Variants in GABBR2 observed in about 807,000 individuals in gnomAD.
The protein encoded by GABBR2 is gamma-aminobutyric acid type B receptor subunit 2, also known as G-protein coupled receptor 51.
Under a neutral mutation model 105.6 loss-of-function variants are expected in GABBR2, and 23 were observed. The ratio of observed to expected loss-of-function variants is 0.22; its 90% CI spans 0.16 to 0.31. The LOEUF (loss-of-function observed/expected upper bound fraction) is 0.31. GABBR2 is among the 10% of genes least tolerant of loss of function. The probability of loss-of-function intolerance (pLI) is 1.00; values close to 1 mark genes in which losing one functional copy is unlikely to be tolerated. For missense variants in GABBR2, 734 were observed against 1,245.5 expected (o/e 0.59, Z 6.18); for synonymous variants, 478 against 499.7 (o/e 0.96, Z 0.58).
chr9:98,389,116 A>C, intron 9 of GABBR2, 112 bp from the exon 10 acceptor site: 1 of 852,244 alleles, frequency 1.2e-6, no homozygotes, highest in Non-Finnish European at 1.8e-6. Flanking sequence ...AACTCTACAC[A>C]AGGCACATCT....
At chr9:98,526,571 T>C (rs1297765985) in intron 3 of GABBR2, among the ~76,000 whole-genome samples, 2 of 152,216 alleles carry the variant, frequency 1.3e-5, no homozygotes, top group African/African-American at 2.4e-5. Context: ...ATCTGACATA[T>C]TTTAAATTTA....
intron 1 of GABBR2, among the ~76,000 whole-genome samples, chr9:98,593,146 A>T (rs1829171116): frequency 6.6e-6 from 1 of 151,988 alleles, no homozygotes; most frequent in Admixed American, 6.6e-5. Context: ...ATGCCTGGCC[A>T]TTCTAATTAT....
chr9:98,431,128 C>G (rs1825802341), intron 7 of GABBR2, among the ~76,000 whole-genome samples: 1 of 151,868 alleles, frequency 6.6e-6, no homozygotes, highest in South Asian at 2.1e-4. Flanking sequence ...ATTCCCTCAC[C>G]TCCTTCAATG....
intron 6 of GABBR2, among the ~76,000 whole-genome samples, chr9:98,466,275 C>A (rs1430205857): frequency 6.6e-6 from 1 of 152,132 alleles, no homozygotes; most frequent in Non-Finnish European, 1.5e-5. Flanking sequence ...CTGTGGAGTT[C>A]AAAAGTTCAA....
intron 1 of GABBR2, among the ~76,000 whole-genome samples, chr9:98,697,327 T>G (rs1210374633): frequency 2.0e-5 from 3 of 151,968 alleles, no homozygotes; most frequent in African/African-American, 4.8e-5. Context: ...TCGTCTCTAC[T>G]AAAACTACAA....
intron 1 of GABBR2, among the ~76,000 whole-genome samples, chr9:98,645,988 C>A (rs1162795404): frequency 3.3e-5 from 5 of 152,162 alleles, no homozygotes; most frequent in African/African-American, 1.2e-4. Context: ...AAACAGCAGG[C>A]CAGGATGTAA....
chr9:98,442,193 C>G (rs1157049985), intron 7 of GABBR2, among the ~76,000 whole-genome samples: 2 of 152,264 alleles, frequency 1.3e-5, no homozygotes, highest in Non-Finnish European at 2.9e-5. Context: ...TAAAGAGTCT[C>G]TTCCAGTGCT....
At chr9:98,624,804 G>C (rs563532163) in intron 1 of GABBR2, among the ~76,000 whole-genome samples, 4 of 152,340 alleles carry the variant, frequency 2.6e-5, no homozygotes, top group African/African-American at 9.6e-5. Context: ...GGCCAGGTAG[G>C]AGCCCCGAGC....
At chr9:98,367,188 TGAG>T (rs752338862) in intron 12 of GABBR2, among the ~76,000 whole-genome samples, 1 of 148,516 alleles carries the variant, frequency 6.7e-6, no homozygotes, top group South Asian at 2.1e-4. Flanking sequence ...CCATCATGGA[TGAG>T]GGAGGAGGGG....
intron 1 of GABBR2, among the ~76,000 whole-genome samples, chr9:98,663,373 T>C (rs780693570): frequency 1.3e-5 from 2 of 152,090 alleles, no homozygotes; most frequent in Admixed American, 6.5e-5. Flanking sequence ...GTTACAGAAC[T>C]GGTCTACCTG....
intron 7 of GABBR2, among the ~76,000 whole-genome samples, chr9:98,438,149 C>A (rs1825961747): frequency 6.7e-6 from 1 of 148,758 alleles, no homozygotes; most frequent in African/African-American, 2.5e-5. Flanking sequence ...CACACGTTAT[C>A]CCTCCATCTA....
chr9:98,641,178 G>T (rs1317662933), intron 1 of GABBR2, among the ~76,000 whole-genome samples: 1 of 151,408 alleles, frequency 6.6e-6, no homozygotes, highest in East Asian at 1.9e-4. Context: ...CTGTTGCCCA[G>T]GCTGGAGTGC....
In GABBR2 at chr9:98,330,146, G is replaced by C. The variant is rs536278634; in HGVS notation, c.1894-18941C>G. ...CCCTGCATCTACTTTCTATCGGCAA[G>C]CTGCCAGACCCAACCAATTCTTGAA... On this transcript the variant is annotated intron_variant, in intron 13 of 18. Transcript: ENST00000259455. 1.5e-4 allele frequency among the ~76,000 whole-genome samples: 23 copies of C among 152,300 alleles called. No homozygotes were observed. In the South Asian group the frequency reaches 4.6e-3, roughly 30 times the overall value.
intron 14 of GABBR2, among the ~76,000 whole-genome samples, chr9:98,308,376 A>G (rs1396157899): frequency 6.6e-6 from 1 of 152,240 alleles, no homozygotes; most frequent in Non-Finnish European, 1.5e-5. Flanking sequence ...ACACTGAGGA[A>G]GATTTCCGCT....
At chr9:98,426,194 G>A (rs959786062) in intron 7 of GABBR2, among the ~76,000 whole-genome samples, 14 of 152,168 alleles carry the variant, frequency 9.2e-5, no homozygotes, top group South Asian at 4.1e-4. Context: ...TCCCCTTTAC[G>A]GGTCATGCTT....
At chr9:98,658,018 TAC>T (rs1830205694) in intron 1 of GABBR2, among the ~76,000 whole-genome samples, 1 of 152,272 alleles carries the variant, frequency 6.6e-6, no homozygotes. Flanking sequence ...AATGGACTAA[TAC>T]AGTTACCAAG....
chr9:98,515,022 A>T (rs891036947), intron 3 of GABBR2, among the ~76,000 whole-genome samples: 20 of 152,302 alleles, frequency 1.3e-4, no homozygotes, highest in African/African-American at 4.8e-4. Flanking sequence ...ACCAGGAAGT[A>T]GATTTCAGCT....
chr9:98,425,247 T>C (rs777595028), intron 7 of GABBR2, among the ~76,000 whole-genome samples: 4 of 152,038 alleles, frequency 2.6e-5, no homozygotes, highest in Non-Finnish European at 5.9e-5. Context: ...AATGAATGAA[T>C]GTAACAGAGC....
intron 1 of GABBR2, chr9:98,607,182 G>A: frequency 6.2e-7 from 1 of 1,604,920 alleles, no homozygotes; most frequent in East Asian, 2.2e-5. Flanking sequence ...CCAGGATTTG[G>A]AGATGCAGTG....
Sources: gnomAD v4.1 joint callset for allele counts (sites outside exome capture counted in the v4.1 genomes callset) on GRCh38, gnomAD v4.1.1 for gene constraint, MANE v1.5 for transcripts, NCBI Gene and HGNC (gene_info 2026-07-23, HGNC 2026-07-21) for gene names.